MAN1A2: variants seen among roughly 807,000 people sequenced by gnomAD.
MAN1A2 encodes mannosyl-oligosaccharide 1,2-alpha-mannosidase IB.
Under a neutral mutation model 75.7 loss-of-function variants are expected in MAN1A2, and 26 were observed. That is an observed-to-expected ratio of 0.34 (90% CI 0.25 to 0.48). The LOEUF is 0.48. MAN1A2 is among the 20% of genes least tolerant of loss of function. The pLI, the probability that MAN1A2 is intolerant of heterozygous loss-of-function variation, is 0.99. For synonymous variants in MAN1A2, 247 were observed against 264.6 expected (o/e 0.93, Z 0.65); for missense variants, 562 against 775.5 (o/e 0.72, Z 3.27).
chr1:117,474,461 C>G (rs1650256068), intron 8 of MAN1A2, among the ~76,000 whole-genome samples: 2 of 151,318 alleles, frequency 1.3e-5, no homozygotes, highest in South Asian at 4.2e-4. Flanking sequence ...ACCCCTCTAT[C>G]CATCTCCAGC....
At chr1:117,452,117 G>C (rs1301507339) in intron 6 of MAN1A2, among the ~76,000 whole-genome samples, 1 of 151,994 alleles carries the variant, frequency 6.6e-6, no homozygotes, top group Admixed American at 6.6e-5. Flanking sequence ...GACCAGCCTA[G>C]CCAATGTGAT....
intron 6 of MAN1A2, among the ~76,000 whole-genome samples, chr1:117,451,293 G>A (rs1649409273): frequency 6.6e-6 from 1 of 152,202 alleles, no homozygotes. Context: ...ATCCCATTTG[G>A]AATGGCTGTA....
Position 117,526,901 on chromosome 1 carries a change from T to TATAC in MAN1A2, c.*3947_*3948insCATA, listed in dbSNP as rs1553243552. 9 of 144,072 alleles carry TATAC rather than the reference T, an allele frequency of 6.2e-5. No individual in the cohort carries two copies. Among genetic ancestry groups the TATAC allele is most frequent in the African/African-American group, 2.3e-4 (9 of 39,452 alleles). 8.9% of individuals were successfully genotyped at this position (144,072 alleles called of 1,614,324 possible). On this transcript the variant is annotated 3_prime_UTR_variant, in exon 13 of 13. Coordinates refer to ENST00000356554, the MANE Select transcript of MAN1A2 (RefSeq NM_006699.5). The stretch of plus-strand genomic sequence containing the variant: ...CTCTCTATATATATATATATATATA[T>TATAC]ATATATATGAGAGATATATGAGATA...
At chr1:117,382,085 C>A (rs1242319761) in intron 1 of MAN1A2, among the ~76,000 whole-genome samples, 2 of 151,996 alleles carry the variant, frequency 1.3e-5, no homozygotes, top group Non-Finnish European at 2.9e-5. Flanking sequence ...GATATTAGCC[C>A]TTTGTCAGAT....
At chr1:117,447,603 T>C (rs1649276717) in intron 6 of MAN1A2, among the ~76,000 whole-genome samples, 1 of 152,176 alleles carries the variant, frequency 6.6e-6, no homozygotes, top group African/African-American at 2.4e-5. Context: ...TCGAACCTTT[T>C]GAAAATATGG....
intron 8 of MAN1A2, among the ~76,000 whole-genome samples, chr1:117,486,190 A>G (rs1163133527): frequency 6.6e-6 from 1 of 152,058 alleles, no homozygotes; most frequent in East Asian, 1.9e-4. Flanking sequence ...AATATATTAA[A>G]TATACCAATA....
intron 1 of MAN1A2, among the ~76,000 whole-genome samples, chr1:117,387,261 A>G (rs1428074054): frequency 2.0e-5 from 3 of 151,096 alleles, no homozygotes; most frequent in Non-Finnish European, 1.5e-5. Context: ...TGGAGTGGAT[A>G]TGGAAAAATT....
intron 3 of MAN1A2, among the ~76,000 whole-genome samples, chr1:117,407,863 A>G (rs1570718601): frequency 6.6e-6 from 1 of 152,174 alleles, no homozygotes; most frequent in South Asian, 2.1e-4. Flanking sequence ...TCATATCTTC[A>G]TACTACCACA....
At position 117,472,428 on chromosome 1, in the gene MAN1A2, A is replaced by T. The variant is rs1057418473; in HGVS notation, c.1168+6001A>T. Among the ~76,000 whole-genome samples the T allele has an allele frequency of 2.6e-5, 4 of 152,028 alleles. No individual in the cohort carries two copies. In the South Asian group the frequency reaches 8.3e-4, roughly 31 times the overall value. ...CAGGATGTTTGCATTCACTAATTTC[A>T]CTGATACTAAATATCAACCACTGTT... is the stretch of plus-strand genomic sequence containing the variant. On this transcript the variant is annotated intron_variant, in intron 8 of 12. Transcript: ENST00000356554.
chr1:117,427,173 A>G (rs1006391685), intron 5 of MAN1A2, among the ~76,000 whole-genome samples: 3 of 152,006 alleles, frequency 2.0e-5, no homozygotes, highest in Non-Finnish European at 2.9e-5. Context: ...TTTTTTTCCA[A>G]AAGTCAATCA....
chr1:117,400,357 GT>G (rs1647381513), intron 1 of MAN1A2, among the ~76,000 whole-genome samples: 1 of 130,324 alleles, frequency 7.7e-6, no homozygotes, highest in Non-Finnish European at 1.7e-5. Flanking sequence ...ACATTTTATT[GT>G]TAATACTAGA....
chr1:117,435,095 A>AT (rs1648806623), intron 5 of MAN1A2, among the ~76,000 whole-genome samples: 1 of 151,978 alleles, frequency 6.6e-6, no homozygotes, highest in Non-Finnish European at 1.5e-5. Flanking sequence ...GAGTTTGAGG[A>AT]TTTTTTTATA....
chr1:117,429,297 C>G (rs1308838044), intron 5 of MAN1A2, among the ~76,000 whole-genome samples: 1 of 139,848 alleles, frequency 7.2e-6, no homozygotes, highest in African/African-American at 2.6e-5. Flanking sequence ...CATCCTGGCC[C>G]GTTCTCAGTG....
intron 12 of MAN1A2, among the ~76,000 whole-genome samples, chr1:117,513,863 G>C (rs1651623434): frequency 1.3e-5 from 2 of 152,156 alleles, no homozygotes; most frequent in South Asian, 2.1e-4. Flanking sequence ...TACTAAGCAA[G>C]TTATTCTTGA....
intron 1 of MAN1A2, among the ~76,000 whole-genome samples, chr1:117,381,142 A>G (rs1188138010): frequency 6.6e-6 from 1 of 151,468 alleles, no homozygotes; most frequent in East Asian, 1.9e-4. Flanking sequence ...TGTTCTCTTA[A>G]TTTTCTTTTT....
chr1:117,428,466 C>A (rs754592964), intron 5 of MAN1A2, among the ~76,000 whole-genome samples: 4 of 151,862 alleles, frequency 2.6e-5, no homozygotes, highest in African/African-American at 9.7e-5. Context: ...AGGACAACAA[C>A]AAAAAGCAAT....
intron 1 of MAN1A2, among the ~76,000 whole-genome samples, chr1:117,398,587 T>A (rs1647294310): frequency 6.6e-6 from 1 of 151,724 alleles, no homozygotes; most frequent in Non-Finnish European, 1.5e-5. Context: ...AGCAGGAGAC[T>A]CTGTTGAATC....
At chr1:117,446,861 C>T (rs895326725) in intron 6 of MAN1A2, among the ~76,000 whole-genome samples, 6 of 152,128 alleles carry the variant, frequency 3.9e-5, no homozygotes, top group Admixed American at 6.5e-5. Flanking sequence ...ATTCCTGAAA[C>T]GAAGTGTCAA....
Position 117,468,313 on chromosome 1 carries a change from C to T in MAN1A2, c.1168+1886C>T, listed in dbSNP as rs56149103. Reference sequence around the variant, plus strand: ...GCATGGGGGTAACATCTTCCTGTACCCACTCTCCAGAGTGTATATATTTGT... The same window carrying T: ...GCATGGGGGTAACATCTTCCTGTACTCACTCTCCAGAGTGTATATATTTGT... On this transcript the variant is annotated intron_variant, in intron 8 of 12. Transcript: ENST00000356554. Among the ~76,000 whole-genome samples, 202 of 152,206 alleles carry T rather than the reference C, an allele frequency of 1.3e-3. 3 individuals are homozygous for T. Among genetic ancestry groups the T allele is most frequent in the African/African-American group, 4.5e-3 (185 of 41,534 alleles).
Sources: gnomAD v4.1 joint callset for allele counts (sites outside exome capture counted in the v4.1 genomes callset) on GRCh38, gnomAD v4.1.1 for gene constraint, MANE v1.5 for transcripts, NCBI Gene and HGNC (gene_info 2026-07-23, HGNC 2026-07-21) for gene names.